Variants in SLIT2 observed in about 807,000 individuals in gnomAD.
SLIT2 encodes slit homolog 2 protein.
A neutral mutation model predicts 185.7 loss-of-function variants in SLIT2; 41 were observed. The ratio of observed to expected loss-of-function variants is 0.22; its 90% CI spans 0.17 to 0.29. The LOEUF (loss-of-function observed/expected upper bound fraction) is 0.29. Ranked by LOEUF, SLIT2 falls within the 10% of genes least tolerant of loss-of-function variation. The pLI is 1.00. For missense variants in SLIT2, 1,571 were observed against 1,909.0 expected (o/e 0.82, Z 3.30); for synonymous variants, 693 against 680.2 (o/e 1.02, Z -0.29).
intron 4 of SLIT2, among the ~76,000 whole-genome samples, chr4:20,271,875 G>A (rs1713652195): frequency 6.6e-6 from 1 of 152,016 alleles, no homozygotes; most frequent in Non-Finnish European, 1.5e-5. Context: ...AGGGGAAGAA[G>A]CACACATGCT....
intron 4 of SLIT2, among the ~76,000 whole-genome samples, chr4:20,347,149 A>G (rs1721483597): frequency 6.6e-6 from 1 of 152,224 alleles, no homozygotes; most frequent in African/African-American, 2.4e-5. Flanking sequence ...GATGGTAAAG[A>G]AAAGGAAGCG....
intron 4 of SLIT2, among the ~76,000 whole-genome samples, chr4:20,309,456 AT>A (rs918194758): frequency 8.7e-5 from 13 of 149,694 alleles, no homozygotes; most frequent in African/African-American, 3.2e-4. Flanking sequence ...CATTTCTCTT[AT>A]TTTTTTAACT....
intron 4 of SLIT2, among the ~76,000 whole-genome samples, chr4:20,351,246 G>T (rs2109263303): frequency 6.6e-6 from 1 of 151,834 alleles, no homozygotes. Flanking sequence ...ACGGAGTTTT[G>T]CCATGTTGGC....
At chr4:20,486,068 A>G in intron 6 of SLIT2, 132 bp from the exon 7 acceptor site, 1 of 651,308 alleles carries the variant, frequency 1.5e-6, no homozygotes, top group Non-Finnish European at 2.8e-6. Context: ...AGAGTAGTGC[A>G]TTCTCTATGT....
At chr4:20,346,645 G>A (rs993422449) in intron 4 of SLIT2, among the ~76,000 whole-genome samples, 10 of 152,184 alleles carry the variant, frequency 6.6e-5, no homozygotes, top group African/African-American at 2.4e-4. Context: ...TCTGCAAGTC[G>A]AGAAGCAAGG....
At chr4:20,430,336 A>G (rs1560416298) in intron 4 of SLIT2, among the ~76,000 whole-genome samples, 1 of 152,114 alleles carries the variant, frequency 6.6e-6, no homozygotes, top group Non-Finnish European at 1.5e-5. Context: ...TTCTTGAGGG[A>G]TATTCTAAGA....
chr4:20,543,702 TA>T (rs139771199), intron 21 of SLIT2, among the ~76,000 whole-genome samples: 2,380 of 152,248 alleles, frequency 0.016, 70 homozygotes, highest in African/African-American at 0.054. Flanking sequence ...TGCAATTCTT[TA>T]AACCCTAAGT....
At chr4:20,476,264 C>T (rs985309438) in intron 5 of SLIT2, among the ~76,000 whole-genome samples, 1 of 151,994 alleles carries the variant, frequency 6.6e-6, no homozygotes, top group African/African-American at 2.4e-5. Flanking sequence ...GAGAAGAGAC[C>T]ACGCTCATAT....
chr4:20,578,504 T>C (rs932497244), intron 29 of SLIT2, among the ~76,000 whole-genome samples: 6 of 152,212 alleles, frequency 3.9e-5, no homozygotes, highest in Non-Finnish European at 8.8e-5. Context: ...AATAATTATT[T>C]CTTATAAAAA....
rs140647338 is a variant in SLIT2 at position 20,588,712 on chromosome 4, T to G, written c.3089-932T>G. Among the ~76,000 whole-genome samples the G allele has an allele frequency of 2.6e-3, 399 of 152,332 alleles. 10 individuals are homozygous for G. The South Asian group carries it at 0.061, about 23-fold the overall frequency. ...TAAATGAAAATTACATTTGGTCTAATGTATGTGAAATAATAACCATGTTAT... is the reference window on the plus strand; with the variant it reads ...TAAATGAAAATTACATTTGGTCTAAGGTATGTGAAATAATAACCATGTTAT... On this transcript the variant is annotated intron_variant, in intron 29 of 36. Coordinates refer to ENST00000504154, the MANE Select transcript of SLIT2 (RefSeq NM_004787.4).
intron 4 of SLIT2, among the ~76,000 whole-genome samples, chr4:20,445,040 C>T (rs1412978421): frequency 6.6e-6 from 1 of 152,128 alleles, no homozygotes; most frequent in Non-Finnish European, 1.5e-5. Flanking sequence ...AATGGAGCCG[C>T]AATGGGGTGA....
intron 9 of SLIT2, among the ~76,000 whole-genome samples, chr4:20,496,211 C>T (rs1718212699): frequency 6.6e-6 from 1 of 152,068 alleles, no homozygotes; most frequent in African/African-American, 2.4e-5. Context: ...AAAATAATGA[C>T]TCATTTTTTC....
chr4:20,570,440 G>A (rs1046714490), intron 29 of SLIT2, among the ~76,000 whole-genome samples: 1 of 151,648 alleles, frequency 6.6e-6, no homozygotes, highest in Non-Finnish European at 1.5e-5. Flanking sequence ...ACTTGACTTG[G>A]AGCCCTTTGA....
intron 4 of SLIT2, among the ~76,000 whole-genome samples, chr4:20,319,752 A>G (rs1484091532): frequency 6.6e-6 from 1 of 151,604 alleles, no homozygotes; most frequent in Non-Finnish European, 1.5e-5. Flanking sequence ...GACTCTTCTG[A>G]TTTTAGAGTC....
intron 4 of SLIT2, among the ~76,000 whole-genome samples, chr4:20,284,526 A>G (rs901420065): frequency 2.4e-4 from 36 of 152,194 alleles, no homozygotes; most frequent in Non-Finnish European, 7.3e-5. Context: ...TTCATGGTAA[A>G]TAAGCGAAAG....
intron 33 of SLIT2, among the ~76,000 whole-genome samples, chr4:20,601,735 A>T (rs1290331739): frequency 6.6e-6 from 1 of 152,206 alleles, no homozygotes; most frequent in Non-Finnish European, 1.5e-5. Flanking sequence ...AGTAAAATCT[A>T]TCAATAACAG....
At chr4:20,613,612 G>T (rs1464743094) in intron 34 of SLIT2, among the ~76,000 whole-genome samples, 1 of 152,116 alleles carries the variant, frequency 6.6e-6, no homozygotes, top group African/African-American at 2.4e-5. Flanking sequence ...CTCGTGACAT[G>T]AGTTTACCCG....
In SLIT2 at chr4:20,352,744, C is replaced by G. The variant is rs113863944; in HGVS notation, c.395+83863C>G. Reference sequence around the variant, plus strand: ...CTGGCTCAACATGGTGAAATCCCATCTCTACTGAAAATACAAAAATTAGCT... The same window carrying G: ...CTGGCTCAACATGGTGAAATCCCATGTCTACTGAAAATACAAAAATTAGCT... On this transcript the variant is annotated intron_variant, in intron 4 of 36. Coordinates refer to ENST00000504154, the MANE Select transcript of SLIT2 (RefSeq NM_004787.4). Among the ~76,000 whole-genome samples, 1,271 of 152,196 alleles carry G rather than the reference C, an allele frequency of 8.4e-3. 16 individuals carry two copies. The highest frequency in any genetic ancestry group is 0.029 in the African/African-American group (1,220 of 41,542).
At chr4:20,377,156 C>T (rs1724089427) in intron 4 of SLIT2, among the ~76,000 whole-genome samples, 1 of 151,836 alleles carries the variant, frequency 6.6e-6, no homozygotes, top group East Asian at 1.9e-4. Flanking sequence ...AACATATTAA[C>T]AATATTAACA....
Sources: gnomAD v4.1 joint callset for allele counts (sites outside exome capture counted in the v4.1 genomes callset) on GRCh38, gnomAD v4.1.1 for gene constraint, MANE v1.5 for transcripts, NCBI Gene and HGNC (gene_info 2026-07-23, HGNC 2026-07-21) for gene names.